STXBP5L: variants seen among roughly 807,000 people sequenced by gnomAD.
STXBP5L encodes the protein syntaxin binding protein 5L.
A neutral mutation model predicts 144.5 loss-of-function variants in STXBP5L; 65 were observed. That is an observed-to-expected ratio of 0.45 (90% CI 0.37 to 0.55). The LOEUF (loss-of-function observed/expected upper bound fraction) is 0.55, where lower values mean the gene tolerates loss of function less well. Among genes scored for constraint, STXBP5L ranks in the 20% least tolerant of loss-of-function variants. The pLI is 0.00. For missense variants in STXBP5L, 1,298 were observed against 1,405.5 expected (o/e 0.92, Z 1.22); for synonymous variants, 505 against 469.6 (o/e 1.08, Z -0.97).
At chr3:121,074,025 G>T (rs1277323043) in intron 5 of STXBP5L, among the ~76,000 whole-genome samples, 1 of 152,180 alleles carries the variant, frequency 6.6e-6, no homozygotes, top group African/African-American at 2.4e-5. Flanking sequence ...TCTTTTGTGG[G>T]TGCAGCCAAC....
At chr3:121,345,052 C>T (rs1398457416) in intron 20 of STXBP5L, among the ~76,000 whole-genome samples, 2 of 151,824 alleles carry the variant, frequency 1.3e-5, no homozygotes, top group African/African-American at 2.4e-5. Context: ...GGTACATGTG[C>T]ACAACATGCA....
chr3:121,113,402 C>A, intron 5 of STXBP5L, among the ~76,000 whole-genome samples: 1 of 152,118 alleles, frequency 6.6e-6, no homozygotes, highest in East Asian at 1.9e-4. Flanking sequence ...TCCTGTGCAA[C>A]ATTATTAAAT....
intron 7 of STXBP5L, among the ~76,000 whole-genome samples, chr3:121,151,744 G>T (rs1419489589): frequency 6.6e-6 from 1 of 151,656 alleles, no homozygotes; most frequent in Non-Finnish European, 1.5e-5. Flanking sequence ...CCAATGATAG[G>T]TTAAATTTTC....
At chr3:121,218,083 A>G (rs1436092994) in intron 10 of STXBP5L, among the ~76,000 whole-genome samples, 1 of 142,286 alleles carries the variant, frequency 7.0e-6, no homozygotes, top group African/African-American at 2.6e-5. Context: ...AGTATATAAT[A>G]TAATATATAG....
At chr3:121,011,936 C>T (rs1265384211) in intron 3 of STXBP5L, among the ~76,000 whole-genome samples, 3 of 151,772 alleles carry the variant, frequency 2.0e-5, no homozygotes, top group Non-Finnish European at 4.4e-5. Context: ...CAGAAAGAAA[C>T]TCTGTACCTA....
rs540105416 is a variant in STXBP5L at position 121,064,428 on chromosome 3, C to T, written c.470+18893C>T. On this transcript the variant is annotated intron_variant, in intron 5 of 26. Coordinates refer to ENST00000471454, the MANE Select transcript of STXBP5L (RefSeq NM_001308330.2). ...AGCTGTTCCTATTTGGCCATCTTGC[C>T]AGCCGCTCTTGCATTTCTGTTTAAC... is the stretch of plus-strand genomic sequence containing the variant. 3.2e-4 allele frequency among the ~76,000 whole-genome samples: 48 copies of T among 152,320 alleles called. 2 individuals are homozygous for T. In the South Asian group the frequency reaches 9.1e-3, roughly 29 times the overall value.
intron 3 of STXBP5L, among the ~76,000 whole-genome samples, chr3:120,982,487 C>T (rs980055297): frequency 1.3e-5 from 2 of 152,212 alleles, no homozygotes; most frequent in African/African-American, 4.8e-5. Context: ...ATCCATTTCC[C>T]TGTTATACCC....
intron 19 of STXBP5L, among the ~76,000 whole-genome samples, chr3:121,294,749 G>A (rs1321307397): frequency 6.6e-6 from 1 of 151,888 alleles, no homozygotes; most frequent in East Asian, 1.9e-4. Flanking sequence ...CCAGGGAGAA[G>A]AGAAAAAGGA....
chr3:121,070,475 A>C (rs897611150), intron 5 of STXBP5L, among the ~76,000 whole-genome samples: 2 of 152,098 alleles, frequency 1.3e-5, no homozygotes, highest in African/African-American at 4.8e-5. Flanking sequence ...CAACTTTAGG[A>C]AGATTTTAAA....
intron 9 of STXBP5L, among the ~76,000 whole-genome samples, chr3:121,169,595 A>G (rs1362577671): frequency 6.6e-6 from 1 of 152,224 alleles, no homozygotes; most frequent in Non-Finnish European, 1.5e-5. Flanking sequence ...CAAAAGAGAC[A>G]AAGAAGGGCA....
chr3:121,173,147 G>A (rs189245011), intron 9 of STXBP5L, among the ~76,000 whole-genome samples: 9 of 152,126 alleles, frequency 5.9e-5, no homozygotes, highest in Non-Finnish European at 1.0e-4. Context: ...TGGAAACACA[G>A]GGAGGGGAAC....
intron 7 of STXBP5L, among the ~76,000 whole-genome samples, chr3:121,147,662 A>G (rs1262227393): frequency 6.6e-6 from 1 of 152,080 alleles, no homozygotes; most frequent in Non-Finnish European, 1.5e-5. Context: ...GTAACCAAAT[A>G]TTGGTCAAAC....
intron 22 of STXBP5L, among the ~76,000 whole-genome samples, chr3:121,388,305 G>A (rs141347291): frequency 1.8e-4 from 27 of 152,120 alleles, no homozygotes; most frequent in African/African-American, 4.1e-4. Flanking sequence ...GGGCTGAGAC[G>A]ATGGGGTTTT....
intron 3 of STXBP5L, among the ~76,000 whole-genome samples, chr3:121,024,279 G>A (rs79491930): frequency 0.12 from 18,258 of 152,124 alleles, 1,147 homozygotes; most frequent in Non-Finnish European, 0.14. Context: ...TATCACCAAA[G>A]AGGCTATATG....
intron 3 of STXBP5L, among the ~76,000 whole-genome samples, chr3:121,025,890 A>T (rs1359771589): frequency 6.8e-6 from 1 of 146,486 alleles, no homozygotes; most frequent in Non-Finnish European, 1.5e-5. Flanking sequence ...TTATATATTT[A>T]TAATATATAA....
At chr3:121,419,035 G>A (rs370600127) in intron 26 of STXBP5L, 21 bp from the exon 27 acceptor site, 1 of 1,609,968 alleles carries the variant, frequency 6.2e-7, no homozygotes, top group Non-Finnish European at 8.5e-7. Flanking sequence ...GCGTCTTATG[G>A]TGGCTATTTT....
At chr3:120,976,766 A>T (rs1446934386) in intron 3 of STXBP5L, among the ~76,000 whole-genome samples, 2 of 152,190 alleles carry the variant, frequency 1.3e-5, no homozygotes, top group Non-Finnish European at 2.9e-5. Flanking sequence ...ACTGGTTTCA[A>T]AGAACATCTT....
At chr3:121,389,175 C>T (rs6438621) in intron 22 of STXBP5L, among the ~76,000 whole-genome samples, 72,575 of 151,946 alleles carry the variant, frequency 0.48, 17,850 homozygotes, top group East Asian at 0.73. Context: ...AGTTTATTTG[C>T]GTAGAGGTGT....
chr3:121,399,577 C>T (rs567364038), intron 22 of STXBP5L, among the ~76,000 whole-genome samples: 91 of 152,250 alleles, frequency 6.0e-4, no homozygotes, highest in Non-Finnish European at 9.3e-4. Context: ...TAAAAGTATC[C>T]CTTATGGGAA....
Sources: gnomAD v4.1 joint callset for allele counts (sites outside exome capture counted in the v4.1 genomes callset) on GRCh38, gnomAD v4.1.1 for gene constraint, MANE v1.5 for transcripts, NCBI Gene and HGNC (gene_info 2026-07-23, HGNC 2026-07-21) for gene names.